CEP20: variants seen among roughly 807,000 people sequenced by gnomAD.
CEP20 encodes FGFR1OP N-terminal like.
In CEP20, 18 loss-of-function variants were observed where a neutral mutation model predicts 20.0. The observed-to-expected ratio is 0.90, with a 90% confidence interval of 0.62 to 1.34. The LOEUF is 1.34. Among genes scored for constraint, CEP20 ranks in the 40% most tolerant of loss-of-function variants. The pLI, the probability that CEP20 is intolerant of heterozygous loss-of-function variation, is 0.00. For synonymous variants in CEP20, 77 were observed against 73.7 expected (o/e 1.04, Z -0.23); for missense variants, 215 against 201.6 (o/e 1.07, Z -0.40).
chr16:15,878,730 C>T (rs570753107), intron 3 of CEP20, among the ~76,000 whole-genome samples: 16 of 152,194 alleles, frequency 1.1e-4, no homozygotes, highest in African/African-American at 3.9e-4. Flanking sequence ...AAACTCCTGA[C>T]CTCAGGTGAT....
chr16:15,888,182 G>A (rs1272095387), intron 1 of CEP20, among the ~76,000 whole-genome samples: 3 of 151,780 alleles, frequency 2.0e-5, no homozygotes, highest in Non-Finnish European at 2.9e-5. Context: ...TAACCCAATA[G>A]GGGTTGTGGG....
rs1215730117 is a variant in CEP20, at chr16:15,867,176, C to G, written c.*264G>C. 3.8e-6 allele frequency: 1 copy of G among 265,710 alleles called. No homozygotes were observed. The highest frequency in any genetic ancestry group is 7.2e-6 in the Non-Finnish European group (1 of 139,138). 16.5% of individuals were successfully genotyped at this position (265,710 alleles called of 1,614,324 possible). A position where few individuals can be genotyped will look rare whatever the true frequency, so the allele number is the denominator to read the frequency against. On this transcript the variant is annotated 3_prime_UTR_variant, in exon 5 of 5. Coordinates refer to ENST00000255759, the MANE Select transcript of CEP20 (RefSeq NM_144600.4). Reference sequence around the variant, plus strand: ...TGAGCCGAGATCGTGCCACTGCACTCCAGTCTGGGTGACAGAGCGAGACTC... The same window carrying G: ...TGAGCCGAGATCGTGCCACTGCACTGCAGTCTGGGTGACAGAGCGAGACTC...
intron 2 of CEP20, among the ~76,000 whole-genome samples, chr16:15,881,562 G>T (rs995141112): frequency 1.3e-5 from 2 of 152,066 alleles, no homozygotes; most frequent in African/African-American, 4.8e-5. Context: ...CTTCTTTGCT[G>T]AGGCATGAAG....
rs972312094 is a variant in CEP20 at position 15,882,327 on chromosome 16, G to C, written c.226+1681C>G. 5.3e-5 allele frequency among the ~76,000 whole-genome samples: 8 copies of C among 152,282 alleles called. No homozygotes were observed. In the South Asian group the frequency reaches 8.3e-4, roughly 16 times the overall value. ...GAGGCCGAGGAGGGCGGATCACGAG[G>C]TCAGGAGACTGAGACCATCCTGGCT... On this transcript the variant is annotated intron_variant, in intron 2 of 4. Coordinates refer to ENST00000255759, the MANE Select transcript of CEP20 (RefSeq NM_144600.4).
intron 3 of CEP20, among the ~76,000 whole-genome samples, chr16:15,876,570 ATCT>A (rs1269510069): frequency 1.3e-5 from 2 of 152,058 alleles, no homozygotes; most frequent in Admixed American, 1.3e-4. Context: ...GATTTAAGTA[ATCT>A]TCTTGCCTCA....
chr16:15,878,481 G>A (rs1418027470), intron 3 of CEP20, among the ~76,000 whole-genome samples: 1 of 144,434 alleles, frequency 6.9e-6, no homozygotes, highest in Admixed American at 7.3e-5. Flanking sequence ...ATATAGTAAA[G>A]CAAACAACTT....
In CEP20 at chr16:15,873,631, T is replaced by C. The variant is rs373835508; in HGVS notation, c.312-4A>G. ...TAAAATCCCATATAAAAGAGGTCTA[T>C]AGCAGGAAGAAAACAAAACAAAACC... is the stretch of plus-strand genomic sequence containing the variant. On this transcript the variant is annotated splice_polypyrimidine_tract_variant and splice_region_variant and intron_variant, in intron 3 of 4. Coordinates refer to ENST00000255759, the MANE Select transcript of CEP20 (RefSeq NM_144600.4). The C allele has an allele frequency of 3.1e-6, 5 of 1,605,068 alleles. No homozygotes were observed. Among genetic ancestry groups the C allele is most frequent in the East Asian group, 2.2e-5 (1 of 44,766 alleles).
In CEP20 at chr16:15,867,458, A is replaced by C. The variant is rs2044707446; in HGVS notation, c.507T>G (p.Ser169=). 6.2e-7 allele frequency: 1 copy of C among 1,601,404 alleles called. No individual in the cohort carries two copies. Among genetic ancestry groups the C allele is most frequent in the Non-Finnish European group, 8.5e-7 (1 of 1,172,170 alleles). ...KSTNIEDLHV[S]QAVNR ...CAAAGCATTATCTGTTGACTGCCTGAGAAACATGAAGATCTTCAATGTTAG... is the reference window on the plus strand; with the variant it reads ...CAAAGCATTATCTGTTGACTGCCTGCGAAACATGAAGATCTTCAATGTTAG... The change falls in exon 5 of 5, where the codon TCT becomes TCG. Residue 169 remains serine, a synonymous_variant. Transcript: ENST00000255759.
At chr16:15,883,868 A>G in intron 2 of CEP20, 140 bp downstream of exon 2, 1 of 631,738 alleles carries the variant, frequency 1.6e-6, no homozygotes, top group Middle Eastern at 4.3e-4. Context: ...TAAGCTACAG[A>G]AAGAACCCAT....
At chr16:15,887,912 T>C (rs1189219445) in intron 1 of CEP20, among the ~76,000 whole-genome samples, 1 of 151,452 alleles carries the variant, frequency 6.6e-6, no homozygotes, top group Non-Finnish European at 1.5e-5. Context: ...ACCCCGTGTC[T>C]ACAAAAAATA....
chr16:15,880,562 A>T (rs1021166172), intron 2 of CEP20, among the ~76,000 whole-genome samples: 14 of 152,208 alleles, frequency 9.2e-5, no homozygotes, highest in Non-Finnish European at 1.3e-4. Context: ...TTCAAAGGAA[A>T]AACAAACATG....
At chr16:15,880,476 TAA>T (rs2045071720) in intron 2 of CEP20, among the ~76,000 whole-genome samples, 1 of 152,134 alleles carries the variant, frequency 6.6e-6, no homozygotes, top group East Asian at 1.9e-4. Context: ...TCCTAACTGC[TAA>T]AACTAGAAAC....
intron 3 of CEP20, 99 bp downstream of exon 3, chr16:15,879,705 A>G: frequency 1.4e-6 from 1 of 700,582 alleles, no homozygotes; most frequent in Admixed American, 2.8e-5. Flanking sequence ...GACACACACT[A>G]GATCTGAATA....
chr16:15,873,764 G>T (rs2044878926), intron 3 of CEP20, 137 bp from the exon 4 acceptor site: 2 of 1,003,622 alleles, frequency 2.0e-6, no homozygotes, highest in Non-Finnish European at 2.7e-6. Context: ...TTAAAAAGCG[G>T]CATGATTATC....
chr16:15,873,647 A>ATT lies in CEP20; in HGVS notation c.312-21_312-20insAA, dbSNP rs2044876159. ...AGAGGTCTATAGCAGGAAGAAAACAAAACAAAACCAAAAGCTAATAAATCT... is the reference window on the plus strand; with the variant it reads ...AGAGGTCTATAGCAGGAAGAAAACAATTAACAAAACCAAAAGCTAATAAATCT... On this transcript the variant is annotated intron_variant, in intron 3 of 4. Transcript: ENST00000255759. 6.3e-7 allele frequency: 1 copy of ATT among 1,593,378 alleles called. No homozygotes were observed. Among genetic ancestry groups the ATT allele is most frequent in the East Asian group, 2.2e-5 (1 of 44,610 alleles).
Position 15,884,138 on chromosome 16 carries a change from A to C in CEP20, c.96T>G (p.Val32=). Residue 32 remains valine (V), a synonymous_variant, in exon 2 of 5, where the codon GTT becomes GTG. Coordinates refer to ENST00000255759, the MANE Select transcript of CEP20 (RefSeq NM_144600.4). ...CACGGTCATCATCTAGGGCATTGAA[A>C]ACTTCAGCTCGGATCCTTGCTTTTA... The part of the protein sequence containing the change: ...GHLKARIRAE[V]FNALDDDREP... 1 of 1,614,108 alleles carries C rather than the reference A, an allele frequency of 6.2e-7. No individual in the cohort carries two copies.
intron 3 of CEP20, among the ~76,000 whole-genome samples, chr16:15,876,263 G>A (rs1307463348): frequency 6.6e-6 from 1 of 151,424 alleles, no homozygotes; most frequent in African/African-American, 2.4e-5. Flanking sequence ...GGATCATGAG[G>A]TCAGGAGATC....
At chr16:15,885,259 G>C (rs1239036091) in intron 1 of CEP20, among the ~76,000 whole-genome samples, 1 of 151,756 alleles carries the variant, frequency 6.6e-6, no homozygotes, top group Non-Finnish European at 1.5e-5. Flanking sequence ...AGTGAGCTGA[G>C]GTGGTGCCAC....
At chr16:15,879,969 A>T (rs1303867928) in intron 2 of CEP20, 81 bp from the exon 3 acceptor site, 3 of 922,000 alleles carry the variant, frequency 3.3e-6, no homozygotes, top group Admixed American at 2.9e-5. Context: ...CACATTTACC[A>T]GACATACACT....
Sources: allele counts gnomAD v4.1 joint callset (sites outside exome capture counted in the v4.1 genomes callset), GRCh38; gene constraint gnomAD v4.1.1; transcripts MANE v1.5; gene names NCBI Gene and HGNC (gene_info 2026-07-23, HGNC 2026-07-21).